The following DLGAP2 variants were observed in gnomAD, a reference collection of about 807,000 sequenced individuals.
The protein encoded by DLGAP2 is DLG associated protein 2, also known as disks large-associated protein 2.
DLGAP2 carries 26 observed loss-of-function variants against 100.3 expected under a neutral mutation model. That is an observed-to-expected ratio of 0.26 (90% CI 0.19 to 0.36). The LOEUF (loss-of-function observed/expected upper bound fraction) is 0.36. DLGAP2 is among the 10% of genes least tolerant of loss of function. The probability of loss-of-function intolerance (pLI) is 1.00; values close to 1 mark genes in which losing one functional copy is unlikely to be tolerated. For synonymous variants in DLGAP2, 886 were observed against 630.1 expected, an observed-to-expected ratio of 1.41 and a Z score of -6.08; for missense variants, 1,858 against 1,453.2, an observed-to-expected ratio of 1.28 and a Z score of -4.53.
At chr8:971,518 G>A (rs1800014401) in intron 2 of DLGAP2, among the ~76,000 whole-genome samples, 1 of 152,222 alleles carries the variant, frequency 6.6e-6, no homozygotes, top group Non-Finnish European at 1.5e-5. Flanking sequence ...CACCCACTGG[G>A]AGCACTGAAA....
intron 2 of DLGAP2, among the ~76,000 whole-genome samples, chr8:977,800 T>A (rs13251136): frequency 0.098 from 2,390 of 24,326 alleles, 107 homozygotes; most frequent in Non-Finnish European, 0.15. Context: ...TGCAGTGAGG[T>A]GCTGGGTTCT....
intron 12 of DLGAP2, among the ~76,000 whole-genome samples, chr8:1,682,238 A>G (rs1482880892): frequency 6.6e-6 from 1 of 152,192 alleles, no homozygotes; most frequent in African/African-American, 2.4e-5. Context: ...CGCGTTAGCC[A>G]TTGGAAAATA....
At chr8:1,557,009 C>T (rs1162974410) in intron 5 of DLGAP2, among the ~76,000 whole-genome samples, 1 of 151,700 alleles carries the variant, frequency 6.6e-6, no homozygotes. Flanking sequence ...CACAGCCATG[C>T]ACCCAGCGTT....
At chr8:1,136,568 C>G (rs1337930636) in intron 2 of DLGAP2, among the ~76,000 whole-genome samples, 1 of 152,146 alleles carries the variant, frequency 6.6e-6, no homozygotes, top group Non-Finnish European at 1.5e-5. Flanking sequence ...GGTGTGTAGA[C>G]AACATAGGGC....
intron 2 of DLGAP2, among the ~76,000 whole-genome samples, chr8:1,059,267 C>T (rs1213575262): frequency 6.6e-6 from 1 of 152,080 alleles, no homozygotes; most frequent in South Asian, 2.1e-4. Context: ...GGGGTCCCAG[C>T]ATACTCCATC....
chr8:928,311 C>T (rs1042736755), intron 2 of DLGAP2, among the ~76,000 whole-genome samples: 1 of 152,090 alleles, frequency 6.6e-6, no homozygotes, highest in African/African-American at 2.4e-5. Flanking sequence ...CACTAGGCAT[C>T]CTGGACAGGG....
intron 2 of DLGAP2, among the ~76,000 whole-genome samples, chr8:1,040,044 T>TTAG (rs1802280479): frequency 1.3e-5 from 2 of 148,432 alleles, no homozygotes; most frequent in African/African-American, 2.5e-5. Context: ...GTGTGCATGG[T>TTAG]CGGCTCGGTG....
chr8:904,912 G>A (rs1158802878), intron 1 of DLGAP2, among the ~76,000 whole-genome samples: 1 of 152,188 alleles, frequency 6.6e-6, no homozygotes, highest in Non-Finnish European at 1.5e-5. Flanking sequence ...CTTCAGAGAG[G>A]AAGAAATAAA....
intron 2 of DLGAP2, among the ~76,000 whole-genome samples, chr8:1,127,466 G>T (rs1475663125): frequency 9.9e-5 from 15 of 152,134 alleles, no homozygotes; most frequent in African/African-American, 3.1e-4. Context: ...GGCCACGTTA[G>T]AGCCTCGCGT....
intron 3 of DLGAP2, among the ~76,000 whole-genome samples, chr8:1,423,628 G>C (rs960127804): frequency 6.6e-6 from 1 of 152,192 alleles, no homozygotes; most frequent in African/African-American, 2.4e-5. Flanking sequence ...GCTGGGACCT[G>C]CTGCTCCCTT....
In DLGAP2 at chr8:1,678,570, T is replaced by C; in HGVS notation, c.2645T>C (p.Met882Thr). The change falls in exon 12 of 15, where the codon ATG (methionine) becomes ACG (threonine). Residue 882 changes from methionine to threonine, a missense_variant. Coordinates refer to ENST00000637795, the MANE Select transcript of DLGAP2 (RefSeq NM_001346810.2). ...LKLLHAETKRMEGWCKEMERE... is the reference protein window; with the variant it reads ...LKLLHAETKRTEGWCKEMERE... ...CTGCTGCACGCAGAGACAAAGAGGA[T>C]GGAAGGCTGGTGCAAAGAGATGGAG... 1 of 1,583,436 alleles carries C rather than the reference T, an allele frequency of 6.3e-7. No individual in the cohort carries two copies. Among genetic ancestry groups the C allele is most frequent in the Non-Finnish European group, 8.6e-7 (1 of 1,165,192 alleles).
chr8:1,046,770 TGCTTGTG>T (rs1407769117), intron 2 of DLGAP2, among the ~76,000 whole-genome samples: 1 of 152,166 alleles, frequency 6.6e-6, no homozygotes, highest in Non-Finnish European at 1.5e-5. Flanking sequence ...TTAACAGAGA[TGCTTGTG>T]GAATGAGGAA....
intron 2 of DLGAP2, among the ~76,000 whole-genome samples, chr8:1,178,744 G>C (rs1305020234): frequency 6.6e-6 from 1 of 152,170 alleles, no homozygotes; most frequent in Non-Finnish European, 1.5e-5. Flanking sequence ...CTTTGGCTCA[G>C]AGACAGTCTT....
At chr8:1,594,939 C>G (rs1229175231) in intron 6 of DLGAP2, among the ~76,000 whole-genome samples, 1 of 152,208 alleles carries the variant, frequency 6.6e-6, no homozygotes, top group Non-Finnish European at 1.5e-5. Context: ...CTCCAGCTGT[C>G]AGCAGGACCA....
intron 8 of DLGAP2, among the ~76,000 whole-genome samples, chr8:1,657,512 A>C (rs1798311551): frequency 1.3e-5 from 2 of 152,248 alleles, no homozygotes; most frequent in African/African-American, 4.8e-5. Context: ...CTGTGGCAGC[A>C]AATTAATGTG....
chr8:1,103,025 T>G (rs1348128956), intron 2 of DLGAP2, among the ~76,000 whole-genome samples: 1 of 151,806 alleles, frequency 6.6e-6, no homozygotes, highest in Non-Finnish European at 1.5e-5. Context: ...CTCTGGAGTC[T>G]CTGTGGTTCC....
intron 2 of DLGAP2, among the ~76,000 whole-genome samples, chr8:1,148,474 T>A (rs933906545): frequency 6.6e-6 from 1 of 152,118 alleles, no homozygotes; most frequent in African/African-American, 2.4e-5. Context: ...ATCTTTGTTG[T>A]TTCTTCATTT....
chr8:1,135,192 A>G (rs944687055), intron 2 of DLGAP2, among the ~76,000 whole-genome samples: 5 of 152,192 alleles, frequency 3.3e-5, no homozygotes, highest in African/African-American at 4.8e-5. Flanking sequence ...CTTACCCTAT[A>G]TAACATTGTG....
chr8:1,482,744 G>C (rs1799130765), intron 3 of DLGAP2, among the ~76,000 whole-genome samples: 1 of 152,220 alleles, frequency 6.6e-6, no homozygotes, highest in Non-Finnish European at 1.5e-5. Flanking sequence ...AGCCCTCGGC[G>C]TCTCCCCGCC....
Sources: gnomAD v4.1 joint callset for allele counts (sites outside exome capture counted in the v4.1 genomes callset) on GRCh38, gnomAD v4.1.1 for gene constraint, MANE v1.5 for transcripts, NCBI Gene and HGNC (gene_info 2026-07-23, HGNC 2026-07-21) for gene names.